The following RAB5A variants were observed in gnomAD, a reference collection of about 807,000 sequenced individuals.
RAB5A encodes ras-related protein Rab-5A.
In RAB5A, 8 loss-of-function variants were observed where a neutral mutation model predicts 25.7. That is an observed-to-expected ratio of 0.31 (90% CI 0.18 to 0.56). The LOEUF (loss-of-function observed/expected upper bound fraction) is 0.56, where lower values mean the gene tolerates loss of function less well. RAB5A is among the 20% of genes least tolerant of loss of function. RAB5A has a pLI of 0.91. For synonymous variants in RAB5A, 98 were observed against 89.8 expected, an observed-to-expected ratio of 1.09 and a Z score of -0.52; for missense variants, 192 against 259.7, an observed-to-expected ratio of 0.74 and a Z score of 1.79.
rs1015863230 is a variant in RAB5A at position 19,980,211 on chromosome 3, C to T, written c.532+1808C>T. ...GAGGAAACAATGAGTTAATAGGCCT[C>T]TCAAATCAGCCTGCACTGTAAACCT... On this transcript the variant is annotated intron_variant, in intron 5 of 5. Coordinates refer to ENST00000273047, the MANE Select transcript of RAB5A (RefSeq NM_004162.5). 2.0e-5 allele frequency: 3 copies of T among 152,296 alleles called. No homozygotes were observed. In the East Asian group the frequency reaches 5.8e-4, roughly 29 times the overall value. 9.4% of individuals were successfully genotyped at this position (152,296 alleles called of 1,614,324 possible).
At chr3:19,954,875 CT>C (rs1157998371) in intron 2 of RAB5A, among the ~76,000 whole-genome samples, 9 of 152,230 alleles carry the variant, frequency 5.9e-5, no homozygotes, top group East Asian at 1.9e-4. Flanking sequence ...CATCCTACCC[CT>C]ATAGCACTTC....
rs1000838375 is a variant in RAB5A at position 19,977,276 on chromosome 3, G to C, written c.439-1034G>C. On this transcript the variant is annotated intron_variant, in intron 4 of 5. Coordinates refer to ENST00000273047, the MANE Select transcript of RAB5A (RefSeq NM_004162.5). ...TTTTCAGTAGAGACAGGGTTTCACTGTGTTAGCCAGGGTGGTCTCGATCTC... is the reference window on the plus strand; with the variant it reads ...TTTTCAGTAGAGACAGGGTTTCACTCTGTTAGCCAGGGTGGTCTCGATCTC... Among the ~76,000 whole-genome samples, 3 of 152,084 alleles carry C rather than the reference G, an allele frequency of 2.0e-5. No homozygotes were observed. The East Asian group carries it at 5.8e-4, about 29-fold the overall frequency.
chr3:19,983,928 T>TTA lies in RAB5A; in HGVS notation c.*107_*108dup. Reference sequence around the variant, plus strand: ...CAGTATGACTTCCAAAAGAAGAGACTTATGATAGAGTCAAGTTTCTAATAC... The same window carrying TTA: ...CAGTATGACTTCCAAAAGAAGAGACTTATATGATAGAGTCAAGTTTCTAATAC... On this transcript the variant is annotated 3_prime_UTR_variant, in exon 6 of 6. Coordinates refer to ENST00000273047, the MANE Select transcript of RAB5A (RefSeq NM_004162.5). The TTA allele has an allele frequency of 1.3e-6, 1 of 763,218 alleles. No individual in the cohort carries two copies. The highest frequency in any genetic ancestry group is 1.8e-5 in the South Asian group (1 of 56,528). The allele number at this position is 763,218 out of a possible 1,614,324, so 47.3% of individuals were successfully genotyped here.
chr3:19,969,042 T>C (rs1281705637), intron 2 of RAB5A, among the ~76,000 whole-genome samples: 1 of 76,240 alleles, frequency 1.3e-5, no homozygotes, highest in Non-Finnish European at 2.4e-5. Context: ...TTTTTTTTTT[T>C]TGGTTTTTTT....
At chr3:19,962,836 A>C (rs1696607297) in intron 2 of RAB5A, among the ~76,000 whole-genome samples, 1 of 149,250 alleles carries the variant, frequency 6.7e-6, no homozygotes, top group Non-Finnish European at 1.5e-5. Flanking sequence ...TTTTTTTTTG[A>C]ATCGGGGTGT....
chr3:19,964,221 T>C (rs968438915), intron 2 of RAB5A, among the ~76,000 whole-genome samples: 8 of 152,206 alleles, frequency 5.3e-5, no homozygotes, highest in African/African-American at 1.7e-4. Context: ...ATAGATAAAA[T>C]GTCTTTTGTA....
At chr3:19,975,392 T>C (rs1440101058) in intron 2 of RAB5A, 3 of 445,202 alleles carry the variant, frequency 6.7e-6, no homozygotes, top group Non-Finnish European at 1.2e-5. Flanking sequence ...TTAAAGCTAT[T>C]ATCAGCTGTG....
chr3:19,977,135 A>G (rs1696836410), intron 4 of RAB5A, among the ~76,000 whole-genome samples: 1 of 149,146 alleles, frequency 6.7e-6, no homozygotes, highest in South Asian at 2.1e-4. Flanking sequence ...GCAGTGGCGC[A>G]ATCTCAAGCT....
At chr3:19,950,074 C>T (rs1421526394) in intron 1 of RAB5A, among the ~76,000 whole-genome samples, 1 of 152,084 alleles carries the variant, frequency 6.6e-6, no homozygotes, top group Non-Finnish European at 1.5e-5. Flanking sequence ...GTATATTGTT[C>T]GTCTAAAGAC....
In RAB5A at chr3:19,951,077, T is replaced by C. The variant is rs1036335227; in HGVS notation, c.163+16T>C. The C allele has an allele frequency of 4.4e-6, 7 of 1,608,892 alleles. No homozygotes were observed. Among genetic ancestry groups the C allele is most frequent in the Non-Finnish European group, 5.9e-6 (7 of 1,177,288 alleles). Reference sequence around the variant, plus strand: ...ACCATTGGGGGTGAGATTTTCTTTTTTCCCTGCTTCATTTAATCGAATCAT... The same window carrying C: ...ACCATTGGGGGTGAGATTTTCTTTTCTCCCTGCTTCATTTAATCGAATCAT... On this transcript the variant is annotated intron_variant, in intron 2 of 5. Transcript: ENST00000273047.
At chr3:19,953,845 C>T (rs1192307496) in intron 2 of RAB5A, among the ~76,000 whole-genome samples, 1 of 152,114 alleles carries the variant, frequency 6.6e-6, no homozygotes, top group Non-Finnish European at 1.5e-5. Flanking sequence ...TAGCTCTTCA[C>T]CTTTAGGAAC....
At chr3:19,977,009 A>G (rs1696834425) in intron 4 of RAB5A, among the ~76,000 whole-genome samples, 1 of 152,154 alleles carries the variant, frequency 6.6e-6, no homozygotes, top group Non-Finnish European at 1.5e-5. Flanking sequence ...CTAATTCAGA[A>G]TGTTTGCTGC....
In RAB5A at chr3:19,976,034, CTTTG is replaced by C. The variant is rs1484773513; in HGVS notation, c.316-9_316-6del. 5.6e-6 allele frequency: 9 copies of C among 1,603,234 alleles called. No individual in the cohort carries two copies. The highest frequency in any genetic ancestry group is 2.2e-5 in the East Asian group (1 of 44,712). ...TTGAGCCTGTGCTCAATGGCTGTTT[CTTTG>C]TTTAACAGGAGTCCTTTGCAAGAGC... On this transcript the variant is annotated splice_polypyrimidine_tract_variant and intron_variant, in intron 3 of 5. Coordinates refer to ENST00000273047, the MANE Select transcript of RAB5A (RefSeq NM_004162.5).
chr3:19,974,445 G>A (rs1696793457), intron 2 of RAB5A, among the ~76,000 whole-genome samples: 4 of 152,026 alleles, frequency 2.6e-5, no homozygotes, highest in African/African-American at 7.2e-5. Context: ...GAGCCACCAC[G>A]CCTGGCCTAT....
chr3:19,965,256 G>A lies in RAB5A; in HGVS notation c.164-10345G>A, dbSNP rs114849443. 5.5e-3 allele frequency among the ~76,000 whole-genome samples: 833 copies of A among 152,106 alleles called. 4 individuals are homozygous for A. Among genetic ancestry groups the A allele is most frequent in the African/African-American group, 0.019 (776 of 41,502 alleles). On this transcript the variant is annotated intron_variant, in intron 2 of 5. Coordinates refer to ENST00000273047, the MANE Select transcript of RAB5A (RefSeq NM_004162.5). ...ATTTTCAAACAATGTGCATCAGTAT[G>A]TTAGAAATACCTAGTGTTAGCCGGG... is the stretch of plus-strand genomic sequence containing the variant.
At chr3:19,975,148 C>T (rs963511515) in intron 2 of RAB5A, among the ~76,000 whole-genome samples, 2 of 151,556 alleles carry the variant, frequency 1.3e-5, no homozygotes, top group African/African-American at 2.4e-5. Context: ...ATTGCTTGAA[C>T]CCGGGAGGCG....
chr3:19,972,136 G>A (rs141246495), intron 2 of RAB5A, among the ~76,000 whole-genome samples: 1,653 of 152,102 alleles, frequency 0.011, 16 homozygotes, highest in Middle Eastern at 0.048. Context: ...TTTCTGATGA[G>A]TCAGTGTACA....
chr3:19,979,487 A>C (rs1252756512), intron 5 of RAB5A, among the ~76,000 whole-genome samples: 1 of 150,464 alleles, frequency 6.6e-6, no homozygotes, highest in Non-Finnish European at 1.5e-5. Context: ...GGGTTTCACC[A>C]TGTTAGCCAG....
rs372345750 is a variant in RAB5A, at chr3:19,957,006, ATCAAAGCTCACTGCAGCCTTGACGTGGCC to A, written c.163+5950_163+5978del. Among the ~76,000 whole-genome samples the A allele has an allele frequency of 2.5e-3, 367 of 147,468 alleles. 1 individual carries two copies. The highest frequency in any genetic ancestry group is 8.0e-3 in the African/African-American group (316 of 39,724). On this transcript the variant is annotated intron_variant, in intron 2 of 5. Transcript: ENST00000273047. The stretch of plus-strand genomic sequence containing the variant: ...GCCCAGGCTGGTGTACAGTGGTGGC[ATCAAAGCTCACTGCAGCCTTGACGTGGCC>A]TCAAGTGGTCCTCCCAGGTAGCTGG...
Sources: gnomAD v4.1 joint callset for allele counts (sites outside exome capture counted in the v4.1 genomes callset) on GRCh38, gnomAD v4.1.1 for gene constraint, MANE v1.5 for transcripts, NCBI Gene and HGNC (gene_info 2026-07-23, HGNC 2026-07-21) for gene names.